Variants in PPP1R9A observed in about 807,000 individuals in gnomAD.
PPP1R9A encodes protein phosphatase 1 regulatory subunit 9A, also known as neurabin-1.
PPP1R9A carries 59 observed loss-of-function variants against 141.9 expected under a neutral mutation model. The observed-to-expected ratio is 0.42, with a 90% CI of 0.34 to 0.52. The LOEUF (loss-of-function observed/expected upper bound fraction) is 0.52, where lower values mean the gene tolerates loss of function less well. PPP1R9A is among the 20% of genes least tolerant of loss of function. The pLI is 0.10. For missense variants in PPP1R9A, 1,444 were observed against 1,611.9 expected (o/e 0.90, Z 1.78); for synonymous variants, 500 against 569.7 (o/e 0.88, Z 1.74).
At chr7:94,922,072 T>C (rs1792914854) in intron 2 of PPP1R9A, among the ~76,000 whole-genome samples, 1 of 149,808 alleles carries the variant, frequency 6.7e-6, no homozygotes, top group African/African-American at 2.4e-5. Context: ...GATAGATTCC[T>C]AAAAAAATAT....
intron 8 of PPP1R9A, among the ~76,000 whole-genome samples, chr7:95,241,101 C>T (rs1563483272): frequency 1.3e-5 from 2 of 152,076 alleles, no homozygotes; most frequent in African/African-American, 4.8e-5. Context: ...CAGATACTCC[C>T]AAGTATTGCC....
chr7:95,035,548 C>T (rs563847381), intron 2 of PPP1R9A, among the ~76,000 whole-genome samples: 1 of 152,180 alleles, frequency 6.6e-6, no homozygotes, highest in South Asian at 2.1e-4. Context: ...GTTTTGGAAT[C>T]AAGAACCAAA....
intron 2 of PPP1R9A, among the ~76,000 whole-genome samples, chr7:95,096,582 T>A (rs1328556512): frequency 6.6e-6 from 1 of 152,182 alleles, no homozygotes; most frequent in East Asian, 1.9e-4. Context: ...TTCTCTCTAA[T>A]CTTCTTTGTA....
chr7:95,289,917 AAAAT>A (rs1243118113), intron 19 of PPP1R9A, among the ~76,000 whole-genome samples, 170 bp from the exon 20 acceptor site: 8 of 152,328 alleles, frequency 5.3e-5, no homozygotes, highest in African/African-American at 1.4e-4. Context: ...AACAAAAGAA[AAAAT>A]AAAGGGTAGC....
At chr7:94,944,815 A>G (rs555042044) in intron 2 of PPP1R9A, among the ~76,000 whole-genome samples, 18 of 152,216 alleles carry the variant, frequency 1.2e-4, no homozygotes, top group African/African-American at 4.1e-4. Flanking sequence ...ATTGGAGGTA[A>G]TGCTTTTCAG....
At chr7:95,089,941 T>A (rs560200637) in intron 2 of PPP1R9A, among the ~76,000 whole-genome samples, 1 of 152,034 alleles carries the variant, frequency 6.6e-6, no homozygotes, top group Non-Finnish European at 1.5e-5. Flanking sequence ...GTATTATTAT[T>A]ATTATGTTTC....
intron 8 of PPP1R9A, among the ~76,000 whole-genome samples, chr7:95,231,093 A>G (rs530946925): frequency 2.2e-4 from 33 of 152,280 alleles, no homozygotes; most frequent in Non-Finnish European, 4.0e-4. Context: ...CACCAAAAGC[A>G]AGTAGGAGTA....
intron 2 of PPP1R9A, among the ~76,000 whole-genome samples, chr7:95,000,026 A>G (rs1802696410): frequency 1.3e-5 from 2 of 151,874 alleles, no homozygotes; most frequent in Admixed American, 6.6e-5. Flanking sequence ...TGGTCTTAAA[A>G]TCCTGACCTC....
intron 2 of PPP1R9A, among the ~76,000 whole-genome samples, chr7:95,081,594 T>TA: frequency 6.6e-6 from 1 of 151,904 alleles, no homozygotes; most frequent in Non-Finnish European, 1.5e-5. Flanking sequence ...ACAGAGAGAA[T>TA]AAAAATGACT....
intron 8 of PPP1R9A, among the ~76,000 whole-genome samples, chr7:95,240,064 A>G (rs1213595915): frequency 6.6e-6 from 1 of 151,998 alleles, no homozygotes; most frequent in African/African-American, 2.4e-5. Context: ...ATTTTTTCTC[A>G]TTCTCAGAGT....
Position 94,942,411 on chromosome 7 carries a change from C to T in PPP1R9A, c.1395+30903C>T, listed in dbSNP as rs183040737. On this transcript the variant is annotated intron_variant, in intron 2 of 19. Coordinates refer to ENST00000433360, the MANE Select transcript of PPP1R9A (RefSeq NM_001166160.2). The stretch of plus-strand genomic sequence containing the variant: ...GTAATTTAGGACAGAGGTTGGCAAA[C>T]TATGGCCCCTAGGCCAAATCTAGAC... Among the ~76,000 whole-genome samples the T allele has an allele frequency of 9.2e-5, 14 of 152,304 alleles. No homozygotes were observed. In the East Asian group the frequency reaches 2.5e-3, roughly 27 times the overall value.
At chr7:94,987,734 T>G (rs1467008830) in intron 2 of PPP1R9A, among the ~76,000 whole-genome samples, 1 of 152,156 alleles carries the variant, frequency 6.6e-6, no homozygotes, top group Non-Finnish European at 1.5e-5. Flanking sequence ...GAGCCATTTT[T>G]TAACTTTAAA....
intron 2 of PPP1R9A, among the ~76,000 whole-genome samples, chr7:94,929,683 A>G (rs1396128428): frequency 6.6e-6 from 1 of 152,084 alleles, no homozygotes; most frequent in Admixed American, 6.6e-5. Context: ...GGTTTTGAGC[A>G]TGGAAAGGCA....
chr7:95,013,329 A>AATT (rs1487070019), intron 2 of PPP1R9A, among the ~76,000 whole-genome samples: 8 of 152,066 alleles, frequency 5.3e-5, no homozygotes, highest in African/African-American at 1.9e-4. Context: ...GTCAATTTTT[A>AATT]ATTACTGTAT....
intron 4 of PPP1R9A, among the ~76,000 whole-genome samples, chr7:95,133,586 T>C (rs1351934292): frequency 6.6e-6 from 1 of 150,488 alleles, no homozygotes; most frequent in African/African-American, 2.4e-5. Flanking sequence ...TGTTTCAAGA[T>C]ATTGGTGAGG....
intron 7 of PPP1R9A, among the ~76,000 whole-genome samples, chr7:95,215,905 T>C (rs1408484062): frequency 6.6e-6 from 1 of 152,206 alleles, no homozygotes; most frequent in Non-Finnish European, 1.5e-5. Flanking sequence ...GCAAAAATTT[T>C]CTCCCATTCT....
intron 2 of PPP1R9A, among the ~76,000 whole-genome samples, chr7:94,992,702 T>A (rs1160386582): frequency 6.6e-6 from 1 of 152,216 alleles, no homozygotes; most frequent in East Asian, 1.9e-4. Context: ...TGGTTTCAAT[T>A]TAGATTTCTC....
intron 2 of PPP1R9A, among the ~76,000 whole-genome samples, chr7:95,046,951 C>T: frequency 6.6e-6 from 1 of 152,190 alleles, no homozygotes; most frequent in East Asian, 1.9e-4. Flanking sequence ...GACCACTAAG[C>T]TAAATCTATT....
At chr7:94,960,278 A>G (rs1426887418) in intron 2 of PPP1R9A, among the ~76,000 whole-genome samples, 1 of 150,986 alleles carries the variant, frequency 6.6e-6, no homozygotes, top group Non-Finnish European at 1.5e-5. Flanking sequence ...CTGTTCAGTT[A>G]TAACTTACAA....
Sources: gnomAD v4.1 joint callset for allele counts (sites outside exome capture counted in the v4.1 genomes callset) on GRCh38, gnomAD v4.1.1 for gene constraint, MANE v1.5 for transcripts, NCBI Gene and HGNC (gene_info 2026-07-23, HGNC 2026-07-21) for gene names.